The following ETV1 variants were observed in gnomAD, a reference collection of about 807,000 sequenced individuals.
ETV1 encodes ETS variant transcription factor 1.
A neutral mutation model predicts 62.3 loss-of-function variants in ETV1; 27 were observed. That is an observed-to-expected ratio of 0.43 (90% CI 0.32 to 0.60). The LOEUF (loss-of-function observed/expected upper bound fraction) is 0.60, where lower values mean the gene tolerates loss of function less well. Ranked by LOEUF, ETV1 falls within the 20% of genes least tolerant of loss-of-function variation. The probability of loss-of-function intolerance (pLI) is 0.06; values close to 1 mark genes in which losing one functional copy is unlikely to be tolerated. For missense variants in ETV1, 605 were observed against 605.8 expected (o/e 1.00, Z 0.01); for synonymous variants, 222 against 199.6 (o/e 1.11, Z -0.94).
At chr7:13,988,360 CT>C in intron 3 of ETV1, 187 bp from the exon 4 acceptor site, 1 of 588,810 alleles carries the variant, frequency 1.7e-6, no homozygotes. Context: ...ACAGTGAAAG[CT>C]TATGTTAAGC....
chr7:13,979,653 A>G (rs1225100954), intron 5 of ETV1, among the ~76,000 whole-genome samples: 2 of 152,172 alleles, frequency 1.3e-5, no homozygotes, highest in South Asian at 4.1e-4. Context: ...ACAGCTAAAC[A>G]GATATAACTA....
At chr7:13,914,503 A>G (rs1290861232) in intron 9 of ETV1, among the ~76,000 whole-genome samples, 1 of 152,012 alleles carries the variant, frequency 6.6e-6, no homozygotes, top group African/African-American at 2.4e-5. Context: ...TAATCAATGT[A>G]GCGGAAGTTA....
intron 13 of ETV1, 117 bp from the exon 14 acceptor site, chr7:13,896,204 C>A: frequency 6.0e-6 from 4 of 669,316 alleles, no homozygotes; most frequent in Non-Finnish European, 1.0e-5. Context: ...AACTCTGGCC[C>A]AAAAAAGCAA....
chr7:13,908,336 A>G (rs1323231677), intron 11 of ETV1, among the ~76,000 whole-genome samples: 3 of 152,106 alleles, frequency 2.0e-5, no homozygotes, highest in African/African-American at 7.2e-5. Context: ...ATTTTGAGAT[A>G]TTTTTCTTTC....
Position 13,935,690 on chromosome 7 carries a change from C to G in ETV1, c.554+18G>C, listed in dbSNP as rs1381918217. The G allele has an allele frequency of 1.2e-6, 2 of 1,600,510 alleles. No homozygotes were observed. The highest frequency in any genetic ancestry group is 3.4e-5 in the Admixed American group (2 of 57,976). The stretch of plus-strand genomic sequence containing the variant: ...AACGCAAAAAACAGTTTCTAGAAAA[C>G]TGGTATCTGCAGGTTACCTGTGGTC... On this transcript the variant is annotated intron_variant, in intron 8 of 13. Transcript: ENST00000430479.
chr7:13,949,660 C>T (rs1388068395), intron 6 of ETV1, among the ~76,000 whole-genome samples: 1 of 152,130 alleles, frequency 6.6e-6, no homozygotes, highest in African/African-American at 2.4e-5. Context: ...GGCCATTAAA[C>T]CATTTCTCTT....
intron 9 of ETV1, among the ~76,000 whole-genome samples, chr7:13,924,998 C>T (rs904860104): frequency 3.9e-5 from 6 of 152,148 alleles, no homozygotes; most frequent in African/African-American, 1.2e-4. Context: ...CCTTAAGAAA[C>T]ACAATTTAAA....
chr7:13,925,601 T>G (rs1462773958), intron 9 of ETV1, among the ~76,000 whole-genome samples: 2 of 151,804 alleles, frequency 1.3e-5, no homozygotes, highest in Non-Finnish European at 2.9e-5. Context: ...AGTCTCGCTC[T>G]GCTGCCCAGG....
At chr7:13,955,403 G>T (rs1251247993) in intron 6 of ETV1, among the ~76,000 whole-genome samples, 1 of 152,032 alleles carries the variant, frequency 6.6e-6, no homozygotes, top group Non-Finnish European at 1.5e-5. Flanking sequence ...AAGCAGTCAA[G>T]TCCTTTTTTA....
chr7:13,916,153 G>T lies in ETV1; in HGVS notation c.803-4846C>A, dbSNP rs138791458. 4.3e-3 allele frequency among the ~76,000 whole-genome samples: 658 copies of T among 152,316 alleles called. 3 individuals are homozygous for T. The highest frequency in any genetic ancestry group is 0.015 in the African/African-American group (629 of 41,570). On this transcript the variant is annotated intron_variant, in intron 9 of 13. Coordinates refer to ENST00000430479, the MANE Select transcript of ETV1 (RefSeq NM_004956.5). ...TTTAGTATTACCTCACTCACACTTAGATGGGATCTTTCTCTTTAGGGTTTT... is the reference window on the plus strand; with the variant it reads ...TTTAGTATTACCTCACTCACACTTATATGGGATCTTTCTCTTTAGGGTTTT...
intron 6 of ETV1, among the ~76,000 whole-genome samples, chr7:13,942,840 C>A (rs1457073869): frequency 1.3e-5 from 2 of 152,078 alleles, no homozygotes; most frequent in African/African-American, 4.8e-5. Flanking sequence ...TAAAGTTTAT[C>A]ATATTTATCA....
intron 6 of ETV1, among the ~76,000 whole-genome samples, chr7:13,970,586 A>C (rs1780803711): frequency 1.3e-5 from 2 of 152,136 alleles, no homozygotes; most frequent in Admixed American, 1.3e-4. Context: ...GTGTGCTCTC[A>C]TTTTGGTAAA....
intron 6 of ETV1, among the ~76,000 whole-genome samples, chr7:13,945,754 C>T (rs1382679902): frequency 6.6e-6 from 1 of 152,164 alleles, no homozygotes; most frequent in Non-Finnish European, 1.5e-5. Context: ...GAATCTGAGT[C>T]TGCTAACAGG....
chr7:13,943,979 G>A (rs1291264362), intron 6 of ETV1, among the ~76,000 whole-genome samples: 1 of 152,154 alleles, frequency 6.6e-6, no homozygotes, highest in Non-Finnish European at 1.5e-5. Flanking sequence ...CAACTTCACA[G>A]GAGAAATTAT....
intron 5 of ETV1, chr7:13,986,200 A>G: frequency 6.3e-7 from 1 of 1,578,630 alleles, no homozygotes; most frequent in South Asian, 1.2e-5. Context: ...ACCCAGAGAA[A>G]CTAATTTCTG....
chr7:13,906,320 C>T, intron 12 of ETV1, 110 bp downstream of exon 12: 1 of 729,274 alleles, frequency 1.4e-6, no homozygotes, highest in South Asian at 3.6e-5. Context: ...GAAAGTTTCC[C>T]TAAAGTCTTG....
At chr7:13,990,594 C>T (rs911743922), upstream of ETV1, 1 of 152,372 alleles carries the variant, frequency 6.6e-6, no homozygotes, top group African/African-American at 2.4e-5. Flanking sequence ...TTTAAACAGC[C>T]AGAGCCCAGG....
chr7:13,984,401 G>C (rs1453833215), intron 5 of ETV1, among the ~76,000 whole-genome samples: 1 of 151,862 alleles, frequency 6.6e-6, no homozygotes, highest in Non-Finnish European at 1.5e-5. Flanking sequence ...TCTCTTCTTA[G>C]CTAATACCGT....
intron 6 of ETV1, among the ~76,000 whole-genome samples, chr7:13,972,201 A>G (rs529486532): frequency 6.6e-6 from 1 of 152,290 alleles, no homozygotes; most frequent in East Asian, 1.9e-4. Context: ...GCACTTCAGG[A>G]GGCCGACTTG....
Sources: allele counts gnomAD v4.1 joint callset (sites outside exome capture counted in the v4.1 genomes callset), GRCh38; gene constraint gnomAD v4.1.1; transcripts MANE v1.5; gene names NCBI Gene and HGNC (gene_info 2026-07-23, HGNC 2026-07-21).